CFAP141: variants seen among roughly 807,000 people sequenced by gnomAD.
CFAP141 encodes the protein cilia and flagella associated protein 141.
the CFAP141 span, among the ~76,000 whole-genome samples, chr1:154,203,203 A>G: frequency 3.3e-5 from 2 of 60,436 alleles, no homozygotes; most frequent in Non-Finnish European, 6.9e-5. Flanking sequence ...ATATATATAT[A>G]TATATATATA....
At chr1:154,200,350 G>A in the CFAP141 span, 2 of 1,204,700 alleles carry the variant, frequency 1.7e-6, no homozygotes, top group Non-Finnish European at 2.4e-6. Context: ...AAACCTAGAG[G>A]CAAACAAGAT....
At chr1:154,200,966 G>A in the CFAP141 span, among the ~76,000 whole-genome samples, 3 of 152,150 alleles carry the variant, frequency 2.0e-5, no homozygotes, top group Non-Finnish European at 4.4e-5. Flanking sequence ...TTATAGGTGT[G>A]AGCCACCACG....
chr1:154,200,600 A>T, the CFAP141 span: 1 of 1,613,832 alleles, frequency 6.2e-7, no homozygotes, highest in Non-Finnish European at 8.5e-7. Context: ...TGCTCCAGGT[A>T]CAGAGGTGGG....
chr1:154,205,754 G>C, the CFAP141 span: 2 of 897,874 alleles, frequency 2.2e-6, no homozygotes, highest in South Asian at 2.9e-5. Context: ...GCCCAGGCCA[G>C]AGTGCAGTGG....
chr1:154,205,958 C>T, the CFAP141 span, among the ~76,000 whole-genome samples: 1 of 152,150 alleles, frequency 6.6e-6, no homozygotes, highest in Non-Finnish European at 1.5e-5. Flanking sequence ...CCACCTCAGC[C>T]TCCCAAAGTG....
chr1:154,203,323 G>A, the CFAP141 span, among the ~76,000 whole-genome samples: 1 of 142,888 alleles, frequency 7.0e-6, no homozygotes, highest in Non-Finnish European at 1.5e-5. Context: ...GCAGTGGTGC[G>A]ATCTCTGGTT....
At chr1:154,203,432 G>C in the CFAP141 span, among the ~76,000 whole-genome samples, 3 of 149,722 alleles carry the variant, frequency 2.0e-5, no homozygotes, top group African/African-American at 7.3e-5. Flanking sequence ...GGTAACTTTT[G>C]CATATATATT....
chr1:154,202,891 C>T, the CFAP141 span, among the ~76,000 whole-genome samples: 1 of 151,660 alleles, frequency 6.6e-6, no homozygotes, highest in Non-Finnish European at 1.5e-5. Context: ...GAGGCTGAGG[C>T]GGGCAGATCA....
At chr1:154,199,563 CCT>C in the CFAP141 span, 1 of 1,273,324 alleles carries the variant, frequency 7.9e-7, no homozygotes, top group African/African-American at 1.5e-5. Flanking sequence ...GTGTTGTTTG[CCT>C]CTGTTTACCA....
the CFAP141 span, among the ~76,000 whole-genome samples, chr1:154,203,261 T>C: frequency 1.6e-5 from 2 of 126,356 alleles, no homozygotes; most frequent in Admixed American, 8.5e-5. Flanking sequence ...CTGTAGTTTT[T>C]ACTTTTTTTT....
At chr1:154,206,008 G>A in the CFAP141 span, among the ~76,000 whole-genome samples, 2 of 152,072 alleles carry the variant, frequency 1.3e-5, no homozygotes, top group Non-Finnish European at 2.9e-5. Flanking sequence ...CAGCCACATA[G>A]ACCTTTTTGA....
At chr1:154,200,690 C>CTT in the CFAP141 span, 3 of 1,313,458 alleles carry the variant, frequency 2.3e-6, no homozygotes, top group Non-Finnish European at 3.1e-6. Context: ...TTTTTCTTTT[C>CTT]TTTTTTTTTG....
At chr1:154,205,637 C>G in the CFAP141 span, 5 of 1,613,852 alleles carry the variant, frequency 3.1e-6, no homozygotes, top group East Asian at 2.2e-5. Context: ...CTTTTGAAAA[C>G]TCTGCAAGAA....
chr1:154,199,103 AAATT>A, the CFAP141 span, among the ~76,000 whole-genome samples: 1 of 152,202 alleles, frequency 6.6e-6, no homozygotes, highest in Non-Finnish European at 1.5e-5. Flanking sequence ...TTTAGGAAGT[AAATT>A]TATTTGTTAT....
chr1:154,206,315 G>C, the CFAP141 span: 21 of 1,613,652 alleles, frequency 1.3e-5, no homozygotes, highest in Non-Finnish European at 1.6e-5. Flanking sequence ...CATGTCTATA[G>C]ATTTGCTTGA....
the CFAP141 span, among the ~76,000 whole-genome samples, chr1:154,202,088 C>T: frequency 1.3e-5 from 2 of 152,110 alleles, no homozygotes; most frequent in African/African-American, 4.8e-5. Flanking sequence ...TGGTGCATGC[C>T]ACCACGCCCA....
the CFAP141 span, among the ~76,000 whole-genome samples, chr1:154,201,927 C>T: frequency 5.3e-5 from 8 of 151,584 alleles, no homozygotes; most frequent in East Asian, 1.9e-4. Flanking sequence ...CCCACCACCA[C>T]GCCCAGGTAA....
the CFAP141 span, among the ~76,000 whole-genome samples, chr1:154,204,940 G>T: frequency 6.7e-6 from 1 of 150,148 alleles, no homozygotes; most frequent in Middle Eastern, 3.5e-3. Flanking sequence ...GGAGTGCAGT[G>T]GTGCGATCTT....
the CFAP141 span, chr1:154,199,498 CA>C: frequency 1.4e-5 from 23 of 1,613,380 alleles, no homozygotes; most frequent in Non-Finnish European, 1.9e-5. Context: ...TGCTCCTTTT[CA>C]AACAGCTGGT....
Sources: allele counts gnomAD v4.1 joint callset (sites outside exome capture counted in the v4.1 genomes callset), GRCh38; gene constraint gnomAD v4.1.1; transcripts MANE v1.5; gene names NCBI Gene and HGNC (gene_info 2026-07-23, HGNC 2026-07-21).